SLC4A4: variants seen among roughly 807,000 people sequenced by gnomAD.
SLC4A4 encodes the protein electrogenic sodium bicarbonate cotransporter 1.
SLC4A4 carries 27 observed loss-of-function variants against 111.5 expected under a neutral mutation model. The ratio of observed to expected loss-of-function variants is 0.24; its 90% CI spans 0.18 to 0.33. The LOEUF (loss-of-function observed/expected upper bound fraction) is 0.33. SLC4A4 is among the 10% of genes least tolerant of loss of function. SLC4A4 has a pLI of 1.00. For missense variants in SLC4A4, 909 were observed against 1,315.5 expected (o/e 0.69, Z 4.78); for synonymous variants, 443 against 463.4 (o/e 0.96, Z 0.57).
chr4:71,537,402 TAC>T (rs1484379833), intron 18 of SLC4A4, among the ~76,000 whole-genome samples: 1 of 18,822 alleles, frequency 5.3e-5, no homozygotes, highest in African/African-American at 1.2e-4. Context: ...GTATATATTA[TAC>T]ATATATGTGT....
At chr4:71,140,321 T>C (rs1214944899) in intron 2 of SLC4A4, among the ~76,000 whole-genome samples, 1 of 152,078 alleles carries the variant, frequency 6.6e-6, no homozygotes, top group Non-Finnish European at 1.5e-5. Context: ...CTCAGGAGGC[T>C]GAGGGGGGAG....
chr4:71,542,664 C>T (rs1178297288), intron 18 of SLC4A4, among the ~76,000 whole-genome samples: 1 of 151,972 alleles, frequency 6.6e-6, no homozygotes, highest in East Asian at 1.9e-4. Context: ...TAAATACTAC[C>T]CCCATGCAAA....
intron 2 of SLC4A4, among the ~76,000 whole-genome samples, chr4:71,093,751 C>A (rs1266555830): frequency 6.6e-6 from 1 of 152,116 alleles, no homozygotes; most frequent in Non-Finnish European, 1.5e-5. Context: ...TTTTTCTTTT[C>A]AAACCATTAT....
rs998987402 is a variant in SLC4A4, at chr4:71,350,125, A to G, written c.550+53A>G. On this transcript the variant is annotated intron_variant, in intron 5 of 25. Coordinates refer to ENST00000264485, the MANE Select transcript of SLC4A4 (RefSeq NM_001098484.3). ...ATTTTTTTCGGCTTTCCCTAGCCAC[A>G]TGTCTCCATCAAGGCAGATGACTAG... 1.0e-5 allele frequency: 16 copies of G among 1,579,848 alleles called. No homozygotes were observed. The East Asian group carries it at 3.4e-4, about 33-fold the overall frequency.
At position 71,263,700 on chromosome 4, in the gene SLC4A4, T is replaced by G. The variant is rs571592126; in HGVS notation, c.253+8301T>G. ...AAGAGAGAATACCAGGAAAAGTCTT[T>G]TTTTTATGCTGTAGTTCTACAATTT... On this transcript the variant is annotated intron_variant, in intron 3 of 25. Coordinates refer to ENST00000264485, the MANE Select transcript of SLC4A4 (RefSeq NM_001098484.3). 1.3e-4 allele frequency among the ~76,000 whole-genome samples: 20 copies of G among 152,328 alleles called. 1 individual carries two copies. Among genetic ancestry groups the G allele is most frequent in the Middle Eastern group, 6.8e-3 (2 of 294 alleles).
intron 16 of SLC4A4, among the ~76,000 whole-genome samples, chr4:71,525,556 T>C (rs2149200033): frequency 6.6e-6 from 1 of 152,258 alleles, no homozygotes; most frequent in African/African-American, 2.4e-5. Flanking sequence ...TAGATTGTGA[T>C]AATTTATATT....
chr4:71,402,055 T>C (rs2148986374), intron 7 of SLC4A4, among the ~76,000 whole-genome samples: 1 of 152,366 alleles, frequency 6.6e-6, no homozygotes, highest in Non-Finnish European at 1.5e-5. Context: ...TAGCACTGTC[T>C]GTTGCCTATT....
intron 6 of SLC4A4, among the ~76,000 whole-genome samples, chr4:71,392,097 G>A (rs1284133613): frequency 6.6e-6 from 1 of 152,072 alleles, no homozygotes; most frequent in Non-Finnish European, 1.5e-5. Flanking sequence ...TCCCAGGTTA[G>A]CAAAAATGCC....
chr4:71,273,271 A>G (rs1722823802), intron 3 of SLC4A4, among the ~76,000 whole-genome samples: 2 of 152,222 alleles, frequency 1.3e-5, no homozygotes, highest in East Asian at 3.8e-4. Flanking sequence ...AAAGATATAC[A>G]TGCCCCTCTT....
Position 71,534,222 on chromosome 4 carries a change from T to G in SLC4A4, c.2281-5T>G. The G allele has an allele frequency of 6.2e-7, 1 of 1,613,452 alleles. No homozygotes were observed. The highest frequency in any genetic ancestry group is 8.5e-7 in the Non-Finnish European group (1 of 1,179,632). On this transcript the variant is annotated splice_polypyrimidine_tract_variant and splice_region_variant and intron_variant, in intron 17 of 25. Coordinates refer to ENST00000264485, the MANE Select transcript of SLC4A4 (RefSeq NM_001098484.3). ...TTCTGAAAAATGTCATCTGTCTTTT[T>G]CAAGCCAACAAGTCCAAACCGAGGT...
intron 22 of SLC4A4, among the ~76,000 whole-genome samples, chr4:71,558,749 G>T (rs1736690274): frequency 6.6e-6 from 1 of 151,526 alleles, no homozygotes; most frequent in African/African-American, 2.4e-5. Flanking sequence ...CATATTTGTT[G>T]TTTGAAATTT....
chr4:71,557,823 T>C lies in SLC4A4; in HGVS notation c.2875T>C (p.Leu959=). The change falls in exon 22 of 26, where the codon TTG becomes CTG. Residue 959 remains leucine, a synonymous_variant. Coordinates refer to ENST00000264485, the MANE Select transcript of SLC4A4 (RefSeq NM_001098484.3). Reference sequence around the variant, plus strand: ...CCACCTGTTCACTTTCCTGCAGGTGTTGTGTCTGGCCCTGCTTTGGATCCT... The same window carrying C: ...CCACCTGTTCACTTTCCTGCAGGTGCTGTGTCTGGCCCTGCTTTGGATCCT... ...RVHLFTFLQV[L]CLALLWILKS... is the part of the protein sequence containing the mutation. 6.2e-7 allele frequency: 1 copy of C among 1,612,636 alleles called. No individual in the cohort carries two copies. The highest frequency in any genetic ancestry group is 8.5e-7 in the Non-Finnish European group (1 of 1,179,188).
At chr4:71,118,526 T>C (rs2148955196) in intron 2 of SLC4A4, among the ~76,000 whole-genome samples, 1 of 152,308 alleles carries the variant, frequency 6.6e-6, no homozygotes, top group African/African-American at 2.4e-5. Context: ...TCTTCTTTCA[T>C]TCTATCTGGG....
At chr4:71,107,503 T>C (rs7675538) in intron 2 of SLC4A4, among the ~76,000 whole-genome samples, 150,273 of 152,094 alleles carry the variant, frequency 0.99, 74,270 homozygotes, top group Non-Finnish European at 1. Context: ...CATGCCACCA[T>C]GCCCGGCTAA....
At chr4:71,310,782 CA>C (rs1363865487) in intron 3 of SLC4A4, among the ~76,000 whole-genome samples, 4 of 152,094 alleles carry the variant, frequency 2.6e-5, no homozygotes, top group Non-Finnish European at 4.4e-5. Flanking sequence ...AACTAATGTG[CA>C]AAATAACCAG....
intron 20 of SLC4A4, among the ~76,000 whole-genome samples, 186 bp from the exon 21 acceptor site, chr4:71,554,954 C>A (rs1275099395): frequency 6.6e-6 from 1 of 151,758 alleles, no homozygotes; most frequent in African/African-American, 2.4e-5. Context: ...TACCCTTCTT[C>A]ATTTATTTCT....
At chr4:71,142,596 G>T (rs924514478) in intron 2 of SLC4A4, among the ~76,000 whole-genome samples, 2 of 152,076 alleles carry the variant, frequency 1.3e-5, no homozygotes, top group African/African-American at 4.8e-5. Flanking sequence ...ATCCAGTAAT[G>T]ACATAGCCGA....
intron 15 of SLC4A4, among the ~76,000 whole-genome samples, chr4:71,495,689 G>C (rs1363576652): frequency 6.6e-6 from 1 of 152,092 alleles, no homozygotes; most frequent in Non-Finnish European, 1.5e-5. Flanking sequence ...TCATTGAATA[G>C]TAAAAGACAT....
intron 7 of SLC4A4, among the ~76,000 whole-genome samples, chr4:71,440,177 C>G (rs1365912983): frequency 2.0e-5 from 3 of 151,658 alleles, no homozygotes; most frequent in Non-Finnish European, 4.4e-5. Flanking sequence ...TTTCTTAGTA[C>G]TTATCAGCAC....
Sources: gnomAD v4.1 joint callset for allele counts (sites outside exome capture counted in the v4.1 genomes callset) on GRCh38, gnomAD v4.1.1 for gene constraint, MANE v1.5 for transcripts, NCBI Gene and HGNC (gene_info 2026-07-23, HGNC 2026-07-21) for gene names.